MAST2: variants seen among roughly 807,000 people sequenced by gnomAD.
MAST2 encodes microtubule-associated serine/threonine-protein kinase 2.
Under a neutral mutation model 147.4 loss-of-function variants are expected in MAST2, and 70 were observed. The observed-to-expected ratio is 0.47, with a 90% CI of 0.39 to 0.58. The LOEUF (loss-of-function observed/expected upper bound fraction) is 0.58, where lower values mean the gene tolerates loss of function less well. MAST2 is among the 20% of genes least tolerant of loss of function. MAST2 has a pLI of 0.00. For synonymous variants in MAST2, 869 were observed against 896.8 expected, an observed-to-expected ratio of 0.97 and a Z score of 0.55; for missense variants, 2,080 against 2,302.3, an observed-to-expected ratio of 0.90 and a Z score of 1.98.
intron 7 of MAST2, among the ~76,000 whole-genome samples, chr1:46,004,105 C>G (rs1006376512): frequency 5.3e-5 from 8 of 152,122 alleles, no homozygotes; most frequent in South Asian, 2.1e-4. Context: ...TGGCTCACAC[C>G]TGTAATCCTG....
chr1:46,028,882 G>A lies in MAST2; in HGVS notation c.2167G>A (p.Val723Ile), dbSNP rs561900007. The change falls in exon 18 of 29, where the codon GTC becomes ATC. Residue 723 changes from valine (V) to isoleucine (I), a missense_variant. Val to Ile is a conservative substitution (Grantham distance 29). This residue lies in a region of MAST2 where 209 missense variants were observed against 309.5 expected (regional missense o/e 0.68). Coordinates refer to ENST00000361297, the MANE Select transcript of MAST2 (RefSeq NM_015112.3). The part of the protein sequence containing the change: ...IILYEFLVGC[V>I]PFFGDTPEEL... ...CCTGTATGAGTTCCTGGTGGGCTGC[G>A]TCCCTTTTTTTGGAGATACTCCGGA... is the stretch of plus-strand genomic sequence containing the variant. 1.4e-5 allele frequency: 23 copies of A among 1,612,480 alleles called. No homozygotes were observed. Among genetic ancestry groups the A allele is most frequent in the Admixed American group, 6.7e-5 (4 of 59,568 alleles).
intron 3 of MAST2, among the ~76,000 whole-genome samples, chr1:45,829,862 T>A (rs902466178): frequency 6.7e-6 from 1 of 148,376 alleles, no homozygotes; most frequent in East Asian, 2.0e-4. Context: ...AAGAATGAAA[T>A]TTTTTTTTTT....
chr1:45,943,668 C>A (rs976034889), intron 4 of MAST2, among the ~76,000 whole-genome samples: 1 of 152,112 alleles, frequency 6.6e-6, no homozygotes, highest in African/African-American at 2.4e-5. Flanking sequence ...ATCGCTTGAA[C>A]CCGGGAGGCA....
At chr1:45,834,499 A>G (rs1307606359) in intron 3 of MAST2, among the ~76,000 whole-genome samples, 1 of 152,188 alleles carries the variant, frequency 6.6e-6, no homozygotes, top group Admixed American at 6.5e-5. Flanking sequence ...GATCCTAATT[A>G]GTGGTTCCCA....
At chr1:45,879,460 C>G (rs992773271) in intron 3 of MAST2, among the ~76,000 whole-genome samples, 4 of 151,160 alleles carry the variant, frequency 2.6e-5, no homozygotes, top group East Asian at 3.9e-4. Context: ...GTAATCCCAG[C>G]TACTTGAGAG....
chr1:45,881,993 G>C, intron 3 of MAST2, among the ~76,000 whole-genome samples: 1 of 128,904 alleles, frequency 7.8e-6, no homozygotes, highest in Non-Finnish European at 1.6e-5. Context: ...TGGCTAACAC[G>C]GTGAAACCCC....
intron 4 of MAST2, among the ~76,000 whole-genome samples, chr1:45,928,087 T>G (rs985352087): frequency 2.0e-5 from 3 of 152,134 alleles, no homozygotes; most frequent in African/African-American, 7.2e-5. Flanking sequence ...TATGGAAAAA[T>G]CTCAAAAATG....
intron 5 of MAST2, among the ~76,000 whole-genome samples, chr1:45,961,498 A>T (rs1349989819): frequency 1.3e-5 from 2 of 152,206 alleles, no homozygotes; most frequent in South Asian, 4.1e-4. Context: ...ACTCAAGTGG[A>T]TTTGATTGAG....
chr1:45,936,504 C>T (rs1217376390), intron 4 of MAST2, among the ~76,000 whole-genome samples: 3 of 152,038 alleles, frequency 2.0e-5, no homozygotes, highest in African/African-American at 7.3e-5. Flanking sequence ...TTGTCATAGA[C>T]GGCTCTTATT....
chr1:46,026,004 G>A (rs1011607426), intron 16 of MAST2, among the ~76,000 whole-genome samples, 189 bp downstream of exon 16: 2 of 152,168 alleles, frequency 1.3e-5, no homozygotes, highest in African/African-American at 4.8e-5. Flanking sequence ...CTCAAGGTCT[G>A]GCTGGAACAC....
intron 4 of MAST2, among the ~76,000 whole-genome samples, chr1:45,929,104 C>T (rs1654873483): frequency 6.6e-6 from 1 of 151,962 alleles, no homozygotes; most frequent in South Asian, 2.1e-4. Context: ...TTAGTAGTGG[C>T]CATTGATAAT....
intron 3 of MAST2, among the ~76,000 whole-genome samples, chr1:45,866,136 T>G (rs921578439): frequency 1.9e-4 from 29 of 152,222 alleles, no homozygotes; most frequent in African/African-American, 5.8e-4. Context: ...AAATATAAAT[T>G]TAAACAAATT....
Position 45,905,339 on chromosome 1 carries a change from C to T in MAST2, c.500+22944C>T, listed in dbSNP as rs564892239. On this transcript the variant is annotated intron_variant, in intron 4 of 28. Coordinates refer to ENST00000361297, the MANE Select transcript of MAST2 (RefSeq NM_015112.3). ...AGCTGGGAGTACAGGCATGCGCCAC[C>T]GCATCTGGCTAATTTTTTTGTATTT... Among the ~76,000 whole-genome samples the T allele has an allele frequency of 6.6e-5, 10 of 152,080 alleles. No individual in the cohort carries two copies. In the East Asian group the frequency reaches 9.8e-4, roughly 15 times the overall value.
chr1:45,907,053 G>T (rs558353061), intron 4 of MAST2, among the ~76,000 whole-genome samples: 2 of 152,244 alleles, frequency 1.3e-5, no homozygotes, highest in African/African-American at 4.8e-5. Context: ...CTATGTGTGT[G>T]GTAGGCTATA....
At position 45,987,777 on chromosome 1, in the gene MAST2, A is replaced by ATTTTTTTTTTTTTTTTTTTTTTTTTTTT; in HGVS notation, c.593-9923_593-9922insTTTTTTTTTTTTTTTTTTTTTTTTTTTT. Among the ~76,000 whole-genome samples, 29 of 21,806 alleles carry ATTTTTTTTTTTTTTTTTTTTTTTTTTTT rather than the reference A, an allele frequency of 1.3e-3. 2 individuals are homozygous for ATTTTTTTTTTTTTTTTTTTTTTTTTTTT. Among genetic ancestry groups the ATTTTTTTTTTTTTTTTTTTTTTTTTTTT allele is most frequent in the Admixed American group, 1.5e-3 (2 of 1,316 alleles). 14.3% of individuals were successfully genotyped at this position (21,806 alleles called of 152,430 possible). The stretch of plus-strand genomic sequence containing the variant: ...AGCATTTCTTGTTTTTTTTTTTTTG[A>ATTTTTTTTTTTTTTTTTTTTTTTTTTTT]TTTTTTTTTTTTTTTTTTTTTTTTG... On this transcript the variant is annotated intron_variant, in intron 5 of 28. Coordinates refer to ENST00000361297, the MANE Select transcript of MAST2 (RefSeq NM_015112.3).
At chr1:45,990,034 A>G (rs906128192) in intron 5 of MAST2, among the ~76,000 whole-genome samples, 2 of 152,228 alleles carry the variant, frequency 1.3e-5, no homozygotes, top group African/African-American at 2.4e-5. Flanking sequence ...TAAACTTGCT[A>G]TACACATTCA....
intron 5 of MAST2, among the ~76,000 whole-genome samples, chr1:45,970,242 C>T (rs1261147054): frequency 6.6e-6 from 1 of 152,050 alleles, no homozygotes; most frequent in Non-Finnish European, 1.5e-5. Context: ...TTTGGGAGCC[C>T]CCCCATGACT....
chr1:46,015,757 T>C (rs1460431391), intron 10 of MAST2, among the ~76,000 whole-genome samples: 1 of 152,086 alleles, frequency 6.6e-6, no homozygotes, highest in Non-Finnish European at 1.5e-5. Flanking sequence ...CAAGGAGGAA[T>C]TGGTACCATT....
rs1644988459 is a variant in MAST2, at chr1:45,994,763, G to A, written c.593-2961G>A. 2.6e-5 allele frequency among the ~76,000 whole-genome samples: 4 copies of A among 152,082 alleles called. No homozygotes were observed. The South Asian group carries it at 8.3e-4, about 32-fold the overall frequency. ...CTCCTTCCCAGGAACTGGGTACTAAGGCCAGTCAAATTCTTTACTACACAA... is the reference window on the plus strand; with the variant it reads ...CTCCTTCCCAGGAACTGGGTACTAAAGCCAGTCAAATTCTTTACTACACAA... On this transcript the variant is annotated intron_variant, in intron 5 of 28. Coordinates refer to ENST00000361297, the MANE Select transcript of MAST2 (RefSeq NM_015112.3).
Sources: allele counts gnomAD v4.1 joint callset (sites outside exome capture counted in the v4.1 genomes callset), GRCh38; gene constraint gnomAD v4.1.1; regional missense constraint gnomAD v4.1.1; transcripts MANE v1.5; gene names NCBI Gene and HGNC (gene_info 2026-07-23, HGNC 2026-07-21).